The following CCDC187 variants were observed in gnomAD, a reference collection of about 807,000 sequenced individuals.
CCDC187 encodes the protein coiled-coil domain-containing protein 187.
In CCDC187, 32 loss-of-function variants were observed where a neutral mutation model predicts 38.0. The ratio of observed to expected loss-of-function variants is 0.84; its 90% CI spans 0.64 to 1.13. The LOEUF (loss-of-function observed/expected upper bound fraction) is 1.13, where lower values mean the gene tolerates loss of function less well. Ranked by LOEUF, CCDC187 falls within the 50% of genes most tolerant of loss-of-function variation. CCDC187 has a pLI of 0.00. For missense variants in CCDC187, 707 were observed against 786.8 expected, an observed-to-expected ratio of 0.90 and a Z score of 1.21; for synonymous variants, 333 against 347.9, an observed-to-expected ratio of 0.96 and a Z score of 0.48.
At chr9:136,285,826 C>T in intron 8 of CCDC187, 1 of 397,064 alleles carries the variant, frequency 2.5e-6, no homozygotes, top group South Asian at 1.4e-4. Flanking sequence ...GAGAACAAGA[C>T]AGGAGCAATA....
Position 136,290,531 on chromosome 9 carries a change from G to A in CCDC187, c.2082C>T (p.Thr694=). Residue 694 remains threonine (T), a synonymous_variant, in exon 6 of 26, where the codon ACC becomes ACT. Coordinates refer to ENST00000638797, the MANE Select transcript of CCDC187 (RefSeq NM_001378188.1). ...LGRAVPVVSR[T]TPGIVTFVPS... is the part of the protein sequence containing the mutation. Reference sequence around the variant, plus strand: ...GGACAAAGGTCACGATGCCAGGGGTGGTCCGGGAGACCACGGGGACCGCCC... The same window carrying A: ...GGACAAAGGTCACGATGCCAGGGGTAGTCCGGGAGACCACGGGGACCGCCC... 2.5e-6 allele frequency: 1 copy of A among 398,690 alleles called. No individual in the cohort carries two copies. Among genetic ancestry groups the A allele is most frequent in the Non-Finnish European group, 4.4e-6 (1 of 226,130 alleles). The allele number at this position is 398,690 out of a possible 1,614,324, so 24.7% of individuals were successfully genotyped here.
At position 136,250,770 on chromosome 9, in the gene CCDC187, A is replaced by G. The variant is rs1554759221; in HGVS notation, c.*2824T>C. 1 of 456,202 alleles carries G rather than the reference A, an allele frequency of 2.2e-6. No individual in the cohort carries two copies. The highest frequency in any genetic ancestry group is 4.4e-6 in the Non-Finnish European group (1 of 226,942). 28.3% of individuals were successfully genotyped at this position (456,202 alleles called of 1,614,324 possible). A position where few individuals can be genotyped will look rare whatever the true frequency, so the allele number is the denominator to read the frequency against. On this transcript the variant is annotated 3_prime_UTR_variant, in exon 26 of 26. Coordinates refer to ENST00000638797, the MANE Select transcript of CCDC187 (RefSeq NM_001378188.1). ...CTTCCTGTGCACATGGTGAATGGGG[A>G]CCCTGACACAGGCCGGCCATTGTTA...
chr9:136,272,508 G>T (rs1170022666), intron 14 of CCDC187, among the ~76,000 whole-genome samples: 4 of 152,092 alleles, frequency 2.6e-5, no homozygotes, highest in African/African-American at 9.7e-5. Context: ...TTCGAGACCA[G>T]CCTGGCCAAC....
At chr9:136,281,454 G>A (rs1053149991) in intron 10 of CCDC187, 97 bp downstream of exon 10, 1 of 398,386 alleles carries the variant, frequency 2.5e-6, no homozygotes, top group Non-Finnish European at 4.4e-6. Context: ...TACCCCGTAG[G>A]GCCAAGCTCG....
At chr9:136,260,350 C>A in intron 19 of CCDC187, 86 bp from the exon 20 acceptor site, 7 of 968,610 alleles carry the variant, frequency 7.2e-6, no homozygotes, top group Non-Finnish European at 8.6e-6. Flanking sequence ...TCCACCAGCA[C>A]CCTCTCCCTG....
intron 4 of CCDC187, 103 bp downstream of exon 4, chr9:136,297,611 G>GCCAGCC (rs1228847333): frequency 2.2e-4 from 87 of 393,006 alleles, no homozygotes; most frequent in African/African-American, 1.6e-3. Context: ...AGTCCGACTG[G>GCCAGCC]CCAGCCCCAG....
At chr9:136,294,092 G>A (rs879056353) in intron 4 of CCDC187, among the ~76,000 whole-genome samples, 11,977 of 106,968 alleles carry the variant, frequency 0.11, 601 homozygotes, top group East Asian at 0.24. Context: ...ATATACACAC[G>A]CCCTCAAGTG....
Position 136,254,166 on chromosome 9 carries a change from G to A in CCDC187, c.5662C>T (p.Leu1888=), listed in dbSNP as rs1554759972. 1.0e-6 allele frequency: 1 copy of A among 985,372 alleles called. No homozygotes were observed. 61.0% of individuals were successfully genotyped at this position (985,372 alleles called of 1,614,324 possible). Residue 1888 remains leucine (L), a synonymous_variant, in exon 26 of 26, where the codon CTG becomes TTG. Coordinates refer to ENST00000638797, the MANE Select transcript of CCDC187 (RefSeq NM_001378188.1). The part of the protein sequence containing the change: ...ISSAGDSDSL[L]VFPSWTSLSE... Reference sequence around the variant, plus strand: ...AAAGAGGTCCACGAAGGAAAGACCAGCAGTGAGTCCGAGTCACCGGCAGAA... The same window carrying A: ...AAAGAGGTCCACGAAGGAAAGACCAACAGTGAGTCCGAGTCACCGGCAGAA...
chr9:136,281,767 C>T (rs927390451), intron 9 of CCDC187, 104 bp from the exon 10 acceptor site: 7 of 397,540 alleles, frequency 1.8e-5, no homozygotes, highest in Admixed American at 4.4e-5. Flanking sequence ...CCTGGGCTCC[C>T]GTGGCCTGGA....
In CCDC187 at chr9:136,286,030, G is replaced by A. The variant is rs984653330; in HGVS notation, c.2833+55C>T. 367 of 397,942 alleles carry A rather than the reference G, an allele frequency of 9.2e-4. 2 individuals carry two copies. The highest frequency in any genetic ancestry group is 5.6e-3 in the African/African-American group (275 of 48,746). The allele number at this position is 397,942 out of a possible 1,614,324, so 24.7% of individuals were successfully genotyped here. A position where few individuals can be genotyped will look rare whatever the true frequency, so the allele number is the denominator to read the frequency against. On this transcript the variant is annotated intron_variant, in intron 8 of 25. Coordinates refer to ENST00000638797, the MANE Select transcript of CCDC187 (RefSeq NM_001378188.1). ...GAAAATGGGGTCCCCATTCCTCCCA[G>A]CCCACAGGACCCCCTGGCCACCCAG...
chr9:136,276,381 A>G (rs1830930563), intron 11 of CCDC187, 80 bp from the exon 12 acceptor site: 1 of 152,120 alleles, frequency 6.6e-6, no homozygotes, highest in Non-Finnish European at 1.5e-5. Flanking sequence ...GGTCACCCCA[A>G]GGGATCCTAT....
At chr9:136,284,467 C>G (rs1481875735) in intron 9 of CCDC187, among the ~76,000 whole-genome samples, 1 of 152,174 alleles carries the variant, frequency 6.6e-6, no homozygotes, top group Non-Finnish European at 1.5e-5. Context: ...GCCCGGGTTC[C>G]GGGGCTGCCT....
chr9:136,271,470 G>A (rs1352036093), intron 14 of CCDC187, among the ~76,000 whole-genome samples: 9 of 151,994 alleles, frequency 5.9e-5, no homozygotes, highest in African/African-American at 9.7e-5. Flanking sequence ...GCAGTGAGCC[G>A]AGATTGTGCC....
upstream of CCDC187, chr9:136,304,159 C>G (rs1430695312): frequency 6.6e-6 from 1 of 152,276 alleles, no homozygotes; most frequent in Non-Finnish European, 1.5e-5. Context: ...ATAACCTTGT[C>G]ACTCAGCGAC....
intron 3 of CCDC187, among the ~76,000 whole-genome samples, chr9:136,298,721 C>T (rs1831597595): frequency 6.6e-6 from 1 of 152,260 alleles, no homozygotes; most frequent in African/African-American, 2.4e-5. Context: ...ACTGTGATCC[C>T]ACTCTATGCG....
Position 136,263,682 on chromosome 9 carries a change from G to C in CCDC187, c.3852C>G (p.Ile1284Met). The C allele has an allele frequency of 1.0e-6, 1 of 985,456 alleles. No individual in the cohort carries two copies. Among genetic ancestry groups the C allele is most frequent in the Non-Finnish European group, 1.2e-6 (1 of 829,924 alleles). 61.0% of individuals were successfully genotyped at this position (985,456 alleles called of 1,614,324 possible). Residue 1284 changes from isoleucine (I) to methionine (M), a missense_variant, in exon 18 of 26, where the codon ATC becomes ATG. Physicochemically the swap from Ile to Met is conservative, Grantham distance 10. Coordinates refer to ENST00000638797, the MANE Select transcript of CCDC187 (RefSeq NM_001378188.1). The stretch of plus-strand genomic sequence containing the variant: ...CTGGGACGACGTCCGTGGGCCCCGG[G>C]ATGGGGAGGATGTCCACAGGCCCCG... Reference protein sequence around the residue: ...SMPGPVDILPIPGPTDVVPAH... With the variant: ...SMPGPVDILPMPGPTDVVPAH...
intron 18 of CCDC187, 45 bp from the exon 19 acceptor site, chr9:136,262,507 C>A: frequency 3.0e-6 from 3 of 986,658 alleles, no homozygotes; most frequent in Non-Finnish European, 3.6e-6. Context: ...CACCTCTGCC[C>A]ATTTCCTCCT....
At chr9:136,272,146 C>T (rs917621950) in intron 14 of CCDC187, among the ~76,000 whole-genome samples, 18 of 152,086 alleles carry the variant, frequency 1.2e-4, no homozygotes, top group Admixed American at 3.3e-4. Flanking sequence ...CCAGCAGACA[C>T]GCACCACCAG....
rs368452844 is a variant in CCDC187 at position 136,260,193 on chromosome 9, G to A, written c.4136C>T (p.Pro1379Leu). Reference protein sequence around the residue: ...TSDADGHQQPPRPAWGEDTHD... With the variant: ...TSDADGHQQPLRPAWGEDTHD... ...TGTGTCCTCGCCCCATGCTGGCCTC[G>A]GAGGCTGCTGGTGACCATCTGCATC... Residue 1379 changes from proline (P) to leucine (L), a missense_variant, in exon 20 of 26, where the codon CCG (proline) becomes CTG (leucine). Transcript: ENST00000638797. The A allele has an allele frequency of 7.8e-5, 77 of 985,436 alleles. No homozygotes were observed. In the African/African-American group the frequency reaches 1.2e-3, roughly 15 times the overall value. 61.0% of individuals were successfully genotyped at this position (985,436 alleles called of 1,614,324 possible).
Sources: gnomAD v4.1 joint callset for allele counts (sites outside exome capture counted in the v4.1 genomes callset) on GRCh38, gnomAD v4.1.1 for gene constraint, MANE v1.5 for transcripts, NCBI Gene and HGNC (gene_info 2026-07-23, HGNC 2026-07-21) for gene names.